GPC5: variants seen among roughly 807,000 people sequenced by gnomAD.
GPC5 encodes glypican-5.
In GPC5, 47 loss-of-function variants were observed where a neutral mutation model predicts 53.9. The observed-to-expected ratio is 0.87, with a 90% CI of 0.69 to 1.11. The LOEUF is 1.11. Among genes scored for constraint, GPC5 ranks in the 50% most tolerant of loss-of-function variants. The pLI, the probability that GPC5 is intolerant of heterozygous loss-of-function variation, is 0.00. For synonymous variants in GPC5, 286 were observed against 263.3 expected, an observed-to-expected ratio of 1.09 and a Z score of -0.84; for missense variants, 748 against 713.1, an observed-to-expected ratio of 1.05 and a Z score of -0.56.
At chr13:92,347,898 TATAATATATATATAA>T (rs2043435289) in intron 7 of GPC5, among the ~76,000 whole-genome samples, 1 of 12,194 alleles carries the variant, frequency 8.2e-5, no homozygotes, top group Admixed American at 1.6e-3. Flanking sequence ...ATATTATATA[TATAATATATATATAA>T]TATATATATA....
intron 6 of GPC5, among the ~76,000 whole-genome samples, chr13:91,945,742 G>T (rs182460083): frequency 6.6e-6 from 1 of 152,098 alleles, no homozygotes; most frequent in Admixed American, 6.5e-5. Context: ...AGCCACTGCT[G>T]TTCTGCTTGG....
At chr13:91,599,036 T>C (rs1406027316) in intron 2 of GPC5, among the ~76,000 whole-genome samples, 1 of 152,144 alleles carries the variant, frequency 6.6e-6, no homozygotes, top group African/African-American at 2.4e-5. Flanking sequence ...TAATCACCTA[T>C]TTATTTTTTA....
chr13:91,924,645 G>A (rs954000937), intron 6 of GPC5, among the ~76,000 whole-genome samples: 1 of 152,120 alleles, frequency 6.6e-6, no homozygotes, highest in African/African-American at 2.4e-5. Flanking sequence ...GGAGGCTGAA[G>A]TAGGAGAATC....
intron 7 of GPC5, among the ~76,000 whole-genome samples, chr13:92,570,387 G>A (rs1882988782): frequency 6.6e-6 from 1 of 151,982 alleles, no homozygotes; most frequent in African/African-American, 2.4e-5. Context: ...AGTCAATTAT[G>A]ATTTGAGATA....
At chr13:92,667,600 A>G (rs1303078165) in intron 7 of GPC5, among the ~76,000 whole-genome samples, 1 of 152,170 alleles carries the variant, frequency 6.6e-6, no homozygotes, top group Non-Finnish European at 1.5e-5. Context: ...CATCTATGAG[A>G]GAGCTGCGAG....
intron 5 of GPC5, among the ~76,000 whole-genome samples, chr13:91,795,081 G>T (rs974157896): frequency 2.0e-5 from 3 of 152,246 alleles, no homozygotes; most frequent in African/African-American, 7.2e-5. Context: ...TGTCTGCTAA[G>T]ATTAAATTAA....
At chr13:91,726,282 C>G (rs1462548348) in intron 3 of GPC5, among the ~76,000 whole-genome samples, 1 of 152,092 alleles carries the variant, frequency 6.6e-6, no homozygotes, top group African/African-American at 2.4e-5. Context: ...TACTGCAGTT[C>G]AAAATTAAGA....
At chr13:92,600,819 A>G (rs1186931232) in intron 7 of GPC5, among the ~76,000 whole-genome samples, 1 of 151,810 alleles carries the variant, frequency 6.6e-6, no homozygotes, top group Admixed American at 6.6e-5. Context: ...TTTTCAGTTT[A>G]TTTTTAATCT....
At chr13:92,700,795 TGAG>T (rs764573686) in intron 7 of GPC5, among the ~76,000 whole-genome samples, 3 of 152,070 alleles carry the variant, frequency 2.0e-5, no homozygotes, top group African/African-American at 4.8e-5. Context: ...TGATAGAAAA[TGAG>T]GAGAAAATTA....
intron 2 of GPC5, among the ~76,000 whole-genome samples, chr13:91,686,506 A>G (rs2035625849): frequency 6.6e-6 from 1 of 152,030 alleles, no homozygotes; most frequent in Non-Finnish European, 1.5e-5. Context: ...GAAAAAAATT[A>G]GGAAATATGC....
At chr13:92,663,205 A>AT (rs1318166862) in intron 7 of GPC5, among the ~76,000 whole-genome samples, 6 of 151,470 alleles carry the variant, frequency 4.0e-5, no homozygotes, top group East Asian at 1.9e-4. Flanking sequence ...TCGGAGAATA[A>AT]TTTTTTTTTA....
chr13:91,807,791 T>C (rs1243070667), intron 5 of GPC5, among the ~76,000 whole-genome samples: 3 of 152,170 alleles, frequency 2.0e-5, no homozygotes, highest in Non-Finnish European at 4.4e-5. Flanking sequence ...TGTCAAGCAA[T>C]ATTTTCCAAC....
At chr13:92,538,253 A>G (rs1881788302) in intron 7 of GPC5, among the ~76,000 whole-genome samples, 1 of 149,016 alleles carries the variant, frequency 6.7e-6, no homozygotes, top group African/African-American at 2.5e-5. Context: ...TCCCCACCTG[A>G]TCTTCCTTCT....
chr13:91,398,683 C>T lies in GPC5; in HGVS notation c.-364C>T. 1 of 222,056 alleles carries T rather than the reference C, an allele frequency of 4.5e-6. No homozygotes were observed. Among genetic ancestry groups the T allele is most frequent in the Non-Finnish European group, 8.6e-6 (1 of 116,288 alleles). 13.8% of individuals were successfully genotyped at this position (222,056 alleles called of 1,614,324 possible). A position where few individuals can be genotyped will look rare whatever the true frequency, so the allele number is the denominator to read the frequency against. On this transcript the variant is annotated 5_prime_UTR_variant, in exon 1 of 8. Transcript: ENST00000377067. ...GAGGCGGCGGCGGCGGCGGCAGTGG[C>T]GGCAGTGGCGGCAGTGGCGGCAGCG...
chr13:91,895,073 T>G (rs1385966731), intron 5 of GPC5, among the ~76,000 whole-genome samples: 2 of 144,640 alleles, frequency 1.4e-5, no homozygotes, highest in Non-Finnish European at 3.0e-5. Flanking sequence ...AAAAAAGGCC[T>G]CTACAAAAAA....
chr13:92,302,682 T>A (rs1296647838), intron 7 of GPC5, among the ~76,000 whole-genome samples: 1 of 152,228 alleles, frequency 6.6e-6, no homozygotes, highest in Non-Finnish European at 1.5e-5. Flanking sequence ...CAGCATTTTA[T>A]GATAATAAGT....
rs370857843 is a variant in GPC5 at position 92,045,211 on chromosome 13, C to T, written c.1402-99619C>T. 3.6e-4 allele frequency among the ~76,000 whole-genome samples: 54 copies of T among 152,104 alleles called. No individual in the cohort carries two copies. In the South Asian group the frequency reaches 9.6e-3, roughly 27 times the overall value. ...AGCCCGTTCTGTTTGGTTTACGGTA[C>T]GGAAAAGGCAAGATTCAAGAGTAAA... is the stretch of plus-strand genomic sequence containing the variant. On this transcript the variant is annotated intron_variant, in intron 6 of 7. Transcript: ENST00000377067.
At chr13:92,237,312 C>A (rs897935337) in intron 7 of GPC5, among the ~76,000 whole-genome samples, 2 of 152,082 alleles carry the variant, frequency 1.3e-5, no homozygotes, top group Non-Finnish European at 2.9e-5. Context: ...CTCCGCCTCC[C>A]AAGTTCAAGT....
chr13:91,722,904 A>C lies in GPC5; in HGVS notation c.1021-5628A>C, dbSNP rs149788978. Among the ~76,000 whole-genome samples, 552 of 152,264 alleles carry C rather than the reference A, an allele frequency of 3.6e-3. 3 individuals carry two copies. The highest frequency in any genetic ancestry group is 0.012 in the African/African-American group (516 of 41,558). On this transcript the variant is annotated intron_variant, in intron 3 of 7. Coordinates refer to ENST00000377067, the MANE Select transcript of GPC5 (RefSeq NM_004466.6). The stretch of plus-strand genomic sequence containing the variant: ...CCCCAAGAACTGGGCACCTTGTACA[A>C]ATTTGGAATTTTCCTTATGGGTAGC...
Sources: gnomAD v4.1 joint callset for allele counts (sites outside exome capture counted in the v4.1 genomes callset) on GRCh38, gnomAD v4.1.1 for gene constraint, MANE v1.5 for transcripts, NCBI Gene and HGNC (gene_info 2026-07-23, HGNC 2026-07-21) for gene names.